NFIA: variants seen among roughly 807,000 people sequenced by gnomAD.
The protein encoded by NFIA is nuclear factor I A.
NFIA carries 8 observed loss-of-function variants against 62.8 expected under a neutral mutation model. That is an observed-to-expected ratio of 0.13 (90% CI 0.07 to 0.23). NFIA has a LOEUF of 0.23. NFIA is among the 10% of genes least tolerant of loss of function. The pLI is 1.00. For synonymous variants in NFIA, 235 were observed against 238.1 expected (o/e 0.99, Z 0.12); for missense variants, 410 against 642.1 (o/e 0.64, Z 3.91).
At chr1:61,410,921 A>T (rs988277078) in intron 9 of NFIA, among the ~76,000 whole-genome samples, 4 of 152,074 alleles carry the variant, frequency 2.6e-5, no homozygotes, top group East Asian at 1.9e-4. Flanking sequence ...AATATATATA[A>T]AAATAAATAA....
intron 2 of NFIA, among the ~76,000 whole-genome samples, chr1:61,105,591 A>G (rs896484423): frequency 1.3e-5 from 2 of 151,950 alleles, no homozygotes; most frequent in African/African-American, 4.8e-5. Flanking sequence ...AGAAGTGCAT[A>G]TTTAGATGGG....
chr1:61,170,749 T>G (rs952224398), intron 2 of NFIA, among the ~76,000 whole-genome samples: 11 of 152,228 alleles, frequency 7.2e-5, no homozygotes, highest in Non-Finnish European at 1.3e-4. Flanking sequence ...GGGTCTGAAC[T>G]GAGCAAAAAT....
intron 2 of NFIA, among the ~76,000 whole-genome samples, chr1:61,266,368 T>C (rs1291605794): frequency 6.6e-6 from 1 of 151,074 alleles, no homozygotes; most frequent in Non-Finnish European, 1.5e-5. Context: ...TTTCTTTCTT[T>C]ATTTTTTATT....
At chr1:61,119,985 T>C (rs1009747072) in intron 2 of NFIA, among the ~76,000 whole-genome samples, 2 of 152,216 alleles carry the variant, frequency 1.3e-5, no homozygotes, top group Admixed American at 6.5e-5. Flanking sequence ...ATTACCTGCA[T>C]GTAGGTTATG....
intron 3 of NFIA, among the ~76,000 whole-genome samples, chr1:61,285,994 C>T (rs867390902): frequency 3.9e-5 from 6 of 152,194 alleles, no homozygotes; most frequent in Non-Finnish European, 5.9e-5. Context: ...TCACAGCTTC[C>T]GAATAGGTCA....
chr1:61,183,191 C>A (rs536746977), intron 2 of NFIA, among the ~76,000 whole-genome samples: 2 of 152,160 alleles, frequency 1.3e-5, no homozygotes, highest in East Asian at 1.9e-4. Flanking sequence ...CTTTTAATTT[C>A]TTTTACTGCA....
chr1:61,082,913 G>C (rs1307491269), intron 1 of NFIA, 95 bp downstream of exon 1: 6 of 1,328,984 alleles, frequency 4.5e-6, no homozygotes, highest in South Asian at 3.3e-5. Flanking sequence ...CGCTCCGGCC[G>C]GGCCCAGGGC....
chr1:61,157,070 A>G (rs1490281526), intron 2 of NFIA, among the ~76,000 whole-genome samples: 3 of 152,270 alleles, frequency 2.0e-5, no homozygotes, highest in African/African-American at 2.4e-5. Flanking sequence ...TGGCTGTTCT[A>G]TAGCTGTGAG....
chr1:61,203,399 C>G (rs78017795), intron 2 of NFIA, among the ~76,000 whole-genome samples: 8,550 of 152,214 alleles, frequency 0.056, 872 homozygotes, highest in African/African-American at 0.2. Context: ...GGATGGCTCA[C>G]CACCCTCCCT....
At chr1:61,293,440 G>C (rs1416162553) in intron 3 of NFIA, among the ~76,000 whole-genome samples, 1 of 152,190 alleles carries the variant, frequency 6.6e-6, no homozygotes, top group Non-Finnish European at 1.5e-5. Context: ...GCTGCAGCTT[G>C]GCTAAGACAT....
chr1:61,438,065 G>A (rs937176667), intron 10 of NFIA, among the ~76,000 whole-genome samples: 3 of 152,088 alleles, frequency 2.0e-5, no homozygotes, highest in Non-Finnish European at 4.4e-5. Context: ...GGATTTTATA[G>A]GCAATAGTAG....
intron 3 of NFIA, 61 bp from the exon 4 acceptor site, chr1:61,332,451 C>A: frequency 1.4e-6 from 2 of 1,449,704 alleles, no homozygotes; most frequent in Non-Finnish European, 1.9e-6. Flanking sequence ...ATATTTAAAG[C>A]TCTGTTGTCA....
intron 2 of NFIA, among the ~76,000 whole-genome samples, chr1:61,258,432 A>G (rs940997767): frequency 6.6e-5 from 10 of 152,320 alleles, no homozygotes; most frequent in Admixed American, 4.6e-4. Context: ...ATTTGCAGTC[A>G]TCTATAGATG....
intron 2 of NFIA, among the ~76,000 whole-genome samples, chr1:61,213,808 T>C (rs1653418635): frequency 6.6e-6 from 1 of 152,190 alleles, no homozygotes; most frequent in Non-Finnish European, 1.5e-5. Flanking sequence ...TGGCTGCTCC[T>C]ACTCTGTCAC....
chr1:61,396,513 C>T (rs1227324141), intron 7 of NFIA, among the ~76,000 whole-genome samples: 1 of 152,142 alleles, frequency 6.6e-6, no homozygotes, highest in African/African-American at 2.4e-5. Context: ...TTCTGAGTAG[C>T]TGGGGTTACA....
At chr1:61,211,770 T>C (rs1239434946) in intron 2 of NFIA, among the ~76,000 whole-genome samples, 1 of 152,202 alleles carries the variant, frequency 6.6e-6, no homozygotes, top group Non-Finnish European at 1.5e-5. Context: ...CAGTCTTGGC[T>C]CACTGCAACC....
intron 2 of NFIA, among the ~76,000 whole-genome samples, chr1:61,133,784 G>A (rs1459104204): frequency 1.3e-5 from 2 of 152,160 alleles, no homozygotes; most frequent in East Asian, 1.9e-4. Flanking sequence ...AGTGGGCTAC[G>A]ATTGTGCCTG....
At chr1:61,305,843 ATTTTTTT>A (rs754217285) in intron 3 of NFIA, among the ~76,000 whole-genome samples, 3 of 123,766 alleles carry the variant, frequency 2.4e-5, no homozygotes, top group African/African-American at 8.9e-5. Flanking sequence ...TCTTCTTTTG[ATTTTTTT>A]TTTTTTTTTT....
At chr1:61,241,368 A>C (rs949732240) in intron 2 of NFIA, among the ~76,000 whole-genome samples, 5 of 152,200 alleles carry the variant, frequency 3.3e-5, no homozygotes, top group Non-Finnish European at 7.3e-5. Context: ...ATTTAAGTTA[A>C]GGAAATTGGG....
Sources: gnomAD v4.1 joint callset for allele counts (sites outside exome capture counted in the v4.1 genomes callset) on GRCh38, gnomAD v4.1.1 for gene constraint, MANE v1.5 for transcripts, NCBI Gene and HGNC (gene_info 2026-07-23, HGNC 2026-07-21) for gene names.